Variants in WWOX observed in about 807,000 individuals in gnomAD.
WWOX encodes WW domain containing oxidoreductase.
Under a neutral mutation model 46.2 loss-of-function variants are expected in WWOX, and 69 were observed. That is an observed-to-expected ratio of 1.49 (90% CI 1.23 to 1.82). WWOX has a LOEUF of 1.82. Among genes scored for constraint, WWOX ranks in the 40% most tolerant of loss-of-function variants. The pLI, the probability that WWOX is intolerant of heterozygous loss-of-function variation, is 0.00. For synonymous variants in WWOX, 359 were observed against 202.6 expected (o/e 1.77, Z -6.56); for missense variants, 919 against 542.6 (o/e 1.69, Z -6.89).
At chr16:78,793,508 A>G (rs1432172858) in intron 8 of WWOX, among the ~76,000 whole-genome samples, 1 of 152,172 alleles carries the variant, frequency 6.6e-6, no homozygotes, top group Non-Finnish European at 1.5e-5. Context: ...TTCATTTTTT[A>G]AATGAAATTT....
intron 8 of WWOX, among the ~76,000 whole-genome samples, chr16:78,547,138 A>C (rs1421558731): frequency 1.9e-4 from 8 of 42,926 alleles, no homozygotes; most frequent in African/African-American, 3.2e-4. Context: ...AAAAAAAAAA[A>C]AAAAAAAAAA....
intron 8 of WWOX, among the ~76,000 whole-genome samples, chr16:79,026,668 A>T (rs868584110): frequency 2.3e-5 from 3 of 130,384 alleles, no homozygotes; most frequent in Non-Finnish European, 4.6e-5. Flanking sequence ...CCTAGGCTGC[A>T]GTGCAGTGGC....
chr16:78,521,186 A>G (rs2043341290), intron 8 of WWOX, among the ~76,000 whole-genome samples: 1 of 152,182 alleles, frequency 6.6e-6, no homozygotes, highest in Non-Finnish European at 1.5e-5. Flanking sequence ...CTCAAAAGTC[A>G]TTTTATCTTC....
intron 8 of WWOX, among the ~76,000 whole-genome samples, chr16:78,920,457 G>A (rs1041961891): frequency 1.3e-5 from 2 of 152,186 alleles, no homozygotes; most frequent in African/African-American, 2.4e-5. Flanking sequence ...TTGGACCTGT[G>A]ATTTTCGCTG....
At chr16:79,058,318 G>C (rs1007072223) in intron 8 of WWOX, among the ~76,000 whole-genome samples, 2 of 152,096 alleles carry the variant, frequency 1.3e-5, no homozygotes, top group Non-Finnish European at 2.9e-5. Flanking sequence ...CCTAGATCTA[G>C]AGTTGGTGTG....
chr16:78,699,641 T>C (rs774659944), intron 8 of WWOX, among the ~76,000 whole-genome samples: 29 of 152,336 alleles, frequency 1.9e-4, no homozygotes, highest in Non-Finnish European at 3.8e-4. Flanking sequence ...TGATTATCAA[T>C]GCTTCTGTGA....
chr16:78,719,385 C>G (rs1307444075), intron 8 of WWOX, among the ~76,000 whole-genome samples: 1 of 152,186 alleles, frequency 6.6e-6, no homozygotes, highest in African/African-American at 2.4e-5. Context: ...GATGTGGGAT[C>G]CAAGAAGAAA....
intron 8 of WWOX, among the ~76,000 whole-genome samples, chr16:78,491,394 C>G (rs547324850): frequency 6.6e-6 from 1 of 152,202 alleles, no homozygotes; most frequent in Non-Finnish European, 1.5e-5. Context: ...GTGAACAGTT[C>G]TTGAATTTAA....
intron 8 of WWOX, among the ~76,000 whole-genome samples, chr16:78,938,057 A>G (rs1019586697): frequency 1.3e-5 from 2 of 152,186 alleles, no homozygotes; most frequent in Admixed American, 1.3e-4. Flanking sequence ...CACTTTCCCA[A>G]GTCTGGGCAG....
intron 8 of WWOX, among the ~76,000 whole-genome samples, chr16:78,668,185 C>T (rs1485157999): frequency 2.6e-5 from 4 of 152,164 alleles, no homozygotes; most frequent in East Asian, 1.9e-4. Context: ...GAGGCTGGGA[C>T]AGAAGAACCA....
intron 8 of WWOX, among the ~76,000 whole-genome samples, chr16:78,606,757 A>G (rs906313273): frequency 8.8e-5 from 11 of 125,084 alleles, no homozygotes; most frequent in African/African-American, 3.2e-4. Context: ...AGGGGACGCT[A>G]TTGTCATTCA....
intron 8 of WWOX, among the ~76,000 whole-genome samples, chr16:78,588,954 G>A (rs540272844): frequency 6.6e-6 from 1 of 152,264 alleles, no homozygotes; most frequent in African/African-American, 2.4e-5. Flanking sequence ...TATCTCTACT[G>A]TTTAGCAGCC....
chr16:78,922,243 C>T (rs2045395943), intron 8 of WWOX, among the ~76,000 whole-genome samples: 1 of 152,128 alleles, frequency 6.6e-6, no homozygotes, highest in Non-Finnish European at 1.5e-5. Context: ...AAGAATGGTT[C>T]ATCTGCAACC....
At chr16:78,540,644 T>A (rs2043869446) in intron 8 of WWOX, among the ~76,000 whole-genome samples, 2 of 151,898 alleles carry the variant, frequency 1.3e-5, no homozygotes, top group Non-Finnish European at 2.9e-5. Flanking sequence ...GAGCTCTGAG[T>A]TTCTGTGGAT....
At chr16:78,887,884 C>T (rs1216583397) in intron 8 of WWOX, among the ~76,000 whole-genome samples, 1 of 152,030 alleles carries the variant, frequency 6.6e-6, no homozygotes, top group East Asian at 1.9e-4. Flanking sequence ...ATTGAAAATC[C>T]TAGACATTTC....
intron 8 of WWOX, among the ~76,000 whole-genome samples, chr16:78,860,408 C>G (rs1025029512): frequency 6.6e-6 from 1 of 152,080 alleles, no homozygotes; most frequent in Non-Finnish European, 1.5e-5. Flanking sequence ...TCACATAAGA[C>G]CTAGTATATA....
intron 5 of WWOX, among the ~76,000 whole-genome samples, chr16:78,370,668 G>A (rs931469771): frequency 2.6e-5 from 4 of 151,288 alleles, no homozygotes. Context: ...AAACATCTAA[G>A]TTTCCATTCC....
intron 8 of WWOX, among the ~76,000 whole-genome samples, chr16:78,830,736 G>A (rs559916829): frequency 6.6e-6 from 1 of 151,872 alleles, no homozygotes; most frequent in African/African-American, 2.4e-5. Flanking sequence ...AAGCAGGACG[G>A]CATCAGCTTG....
At chr16:78,831,850 A>T (rs1229265148) in intron 8 of WWOX, among the ~76,000 whole-genome samples, 1 of 152,140 alleles carries the variant, frequency 6.6e-6, no homozygotes, top group Admixed American at 6.5e-5. Flanking sequence ...CTCTTAGGAG[A>T]CACAGGGGAG....
Sources: gnomAD v4.1 joint callset for allele counts (sites outside exome capture counted in the v4.1 genomes callset) on GRCh38, gnomAD v4.1.1 for gene constraint, MANE v1.5 for transcripts, NCBI Gene and HGNC (gene_info 2026-07-23, HGNC 2026-07-21) for gene names.